The following KIT variants were observed in gnomAD, a reference collection of about 807,000 sequenced individuals.
KIT encodes mast/stem cell growth factor receptor Kit.
In KIT, 16 loss-of-function variants were observed where a neutral mutation model predicts 105.7. The ratio of observed to expected loss-of-function variants is 0.15; its 90% CI spans 0.10 to 0.23. The LOEUF (loss-of-function observed/expected upper bound fraction) is 0.23, where lower values mean the gene tolerates loss of function less well. Among genes scored for constraint, KIT ranks in the 10% least tolerant of loss-of-function variants. The pLI is 1.00. For synonymous variants in KIT, 438 were observed against 441.1 expected (o/e 0.99, Z 0.09); for missense variants, 858 against 1,213.8 (o/e 0.71, Z 4.36).
At chr4:54,662,825 G>A (rs1560370394) in intron 1 of KIT, among the ~76,000 whole-genome samples, 1 of 151,886 alleles carries the variant, frequency 6.6e-6, no homozygotes, top group Non-Finnish European at 1.5e-5. Flanking sequence ...TACCTGCCTC[G>A]GCCTCCCAAA....
At chr4:54,734,423 C>T (rs1722794702) in intron 17 of KIT, among the ~76,000 whole-genome samples, 1 of 152,150 alleles carries the variant, frequency 6.6e-6, no homozygotes, top group Non-Finnish European at 1.5e-5. Flanking sequence ...TATGACAGTG[C>T]CAGACATATT....
In KIT at chr4:54,707,115, A is replaced by T; in HGVS notation, c.943A>T (p.Ile315Phe). 1 of 1,540,186 alleles carries T rather than the reference A, an allele frequency of 6.5e-7. No homozygotes were observed. The highest frequency in any genetic ancestry group is 9.0e-7 in the Non-Finnish European group (1 of 1,113,108). Residue 315 changes from isoleucine to phenylalanine, a missense_variant, in exon 6 of 21, where the codon ATC becomes TTC. Physicochemically the swap from Ile to Phe is conservative, Grantham distance 21. This residue lies in a region of KIT where 401 missense variants were observed against 601.0 expected (regional missense o/e 0.67). Coordinates refer to ENST00000288135, the MANE Select transcript of KIT (RefSeq NM_000222.3). ...LEVVDKGFIN[I>F]FPMINTTVFV... ...CTAATTAGATAAAGGATTCATTAAT[A>T]TCTTCCCCATGATAAACACTACAGT...
chr4:54,663,957 G>C lies in KIT; in HGVS notation c.67+5876G>C, dbSNP rs138636096. ...CCCCATGCCTTGGTCCTACGTTACA[G>C]GCTGGGGGTGGAGGAGGGCCAGGGC... On this transcript the variant is annotated intron_variant, in intron 1 of 20. Transcript: ENST00000288135. Among the ~76,000 whole-genome samples the C allele has an allele frequency of 3.2e-3, 490 of 152,300 alleles. 3 individuals are homozygous for C. The highest frequency in any genetic ancestry group is 0.011 in the African/African-American group (475 of 41,562).
Position 54,714,279 on chromosome 4 carries a change from TG to T in KIT, c.1231+4741del, listed in dbSNP as rs547666287. ...AACTCTTGGAAATATTAGAAAAAAA[TG>T]ACATTGCCAAGATGCTATGGGTAGC... is the stretch of plus-strand genomic sequence containing the variant. On this transcript the variant is annotated intron_variant, in intron 7 of 20. Transcript: ENST00000288135. Among the ~76,000 whole-genome samples, 265 of 152,234 alleles carry T rather than the reference TG, an allele frequency of 1.7e-3. No individual in the cohort carries two copies. In the Middle Eastern group the frequency reaches 0.02, roughly 12 times the overall value.
intron 7 of KIT, among the ~76,000 whole-genome samples, chr4:54,717,446 C>T (rs1245425802): frequency 1.3e-5 from 2 of 152,066 alleles, no homozygotes; most frequent in East Asian, 1.9e-4. Context: ...TGGTTGCCCC[C>T]GTTTGTGTGG....
intron 14 of KIT, 79 bp downstream of exon 14, chr4:54,729,564 C>T (rs1722461219): frequency 9.8e-6 from 14 of 1,427,848 alleles, no homozygotes; most frequent in Non-Finnish European, 1.4e-5. Flanking sequence ...AAGGCTGATT[C>T]TTTAAAAAAT....
chr4:54,737,960 T>C (rs1723023008), intron 20 of KIT, among the ~76,000 whole-genome samples: 1 of 152,240 alleles, frequency 6.6e-6, no homozygotes, highest in Non-Finnish European at 1.5e-5. Flanking sequence ...ACACCACTGA[T>C]AATTTTTGGG....
At chr4:54,715,629 C>CTAG (rs1456613260) in intron 7 of KIT, among the ~76,000 whole-genome samples, 5 of 152,232 alleles carry the variant, frequency 3.3e-5, no homozygotes, top group Non-Finnish European at 7.4e-5. Flanking sequence ...CTCATTACCT[C>CTAG]TAGTACAGCA....
intron 1 of KIT, among the ~76,000 whole-genome samples, chr4:54,688,367 A>G (rs1719463666): frequency 1.3e-5 from 2 of 152,206 alleles, no homozygotes; most frequent in African/African-American, 2.4e-5. Flanking sequence ...TAGTTGAACT[A>G]CAATGCACAG....
Position 54,739,933 on chromosome 4 carries a change from C to T in KIT, c.*1376C>T, listed in dbSNP as rs1367443021. On this transcript the variant is annotated 3_prime_UTR_variant, in exon 21 of 21. Coordinates refer to ENST00000288135, the MANE Select transcript of KIT (RefSeq NM_000222.3). Reference sequence around the variant, plus strand: ...CATCTTACTGTACCTGTTCCTTAGACCTTCCATAATGCTACTGTCTCACTG... The same window carrying T: ...CATCTTACTGTACCTGTTCCTTAGATCTTCCATAATGCTACTGTCTCACTG... 2 of 233,406 alleles carry T rather than the reference C, an allele frequency of 8.6e-6. No individual in the cohort carries two copies. Among genetic ancestry groups the T allele is most frequent in the Non-Finnish European group, 1.7e-5 (2 of 117,952 alleles). The allele number at this position is 233,406 out of a possible 1,614,324, so 14.5% of individuals were successfully genotyped here.
At chr4:54,688,623 AGTT>A (rs2109635003) in intron 1 of KIT, among the ~76,000 whole-genome samples, 1 of 152,352 alleles carries the variant, frequency 6.6e-6, no homozygotes, top group African/African-American at 2.4e-5. Context: ...CCACTGCTGA[AGTT>A]GCCGGGGAGA....
chr4:54,724,408 CACA>C (rs758344181), intron 8 of KIT, among the ~76,000 whole-genome samples: 5 of 152,254 alleles, frequency 3.3e-5, no homozygotes, highest in Admixed American at 2.0e-4. Context: ...GCCTCTTTAT[CACA>C]ACAAGTTGGA....
chr4:54,717,218 T>C (rs1721562565), intron 7 of KIT, among the ~76,000 whole-genome samples: 1 of 152,232 alleles, frequency 6.6e-6, no homozygotes, highest in African/African-American at 2.4e-5. Context: ...CAACCTACTT[T>C]TAAAGTAGAA....
At chr4:54,686,796 C>T (rs948081658) in intron 1 of KIT, among the ~76,000 whole-genome samples, 3 of 152,190 alleles carry the variant, frequency 2.0e-5, no homozygotes, top group Admixed American at 1.3e-4. Context: ...CTGCCTGCCT[C>T]GGCCTCCCAA....
chr4:54,727,693 A>C, intron 11 of KIT, 130 bp from the exon 12 acceptor site: 1 of 1,286,590 alleles, frequency 7.8e-7, no homozygotes, highest in South Asian at 1.2e-5. Context: ...TGCCATAGAG[A>C]ACATCGTAGG....
chr4:54,673,923 C>T (rs1718289975), intron 1 of KIT, among the ~76,000 whole-genome samples: 1 of 152,160 alleles, frequency 6.6e-6, no homozygotes, highest in Non-Finnish European at 1.5e-5. Context: ...GCATGTGCCA[C>T]CACGCCCAGC....
intron 1 of KIT, among the ~76,000 whole-genome samples, chr4:54,684,456 C>G (rs1719170085): frequency 6.6e-6 from 1 of 152,116 alleles, no homozygotes; most frequent in South Asian, 2.1e-4. Flanking sequence ...AACTTAGGAG[C>G]CCTTCTAGTC....
intron 5 of KIT, 123 bp downstream of exon 5, chr4:54,704,015 G>A (rs1720627335): frequency 2.2e-6 from 2 of 895,732 alleles, no homozygotes; most frequent in Non-Finnish European, 3.7e-6. Context: ...ATCACTGAAT[G>A]AATGAAAATT....
intron 7 of KIT, among the ~76,000 whole-genome samples, chr4:54,715,786 T>G (rs1459305710): frequency 6.6e-6 from 1 of 152,192 alleles, no homozygotes; most frequent in Admixed American, 6.5e-5. Context: ...GCCAGCCATA[T>G]AGATGGCTTC....
Sources: allele counts gnomAD v4.1 joint callset (sites outside exome capture counted in the v4.1 genomes callset), GRCh38; gene constraint gnomAD v4.1.1; regional missense constraint gnomAD v4.1.1; transcripts MANE v1.5; gene names NCBI Gene and HGNC (gene_info 2026-07-23, HGNC 2026-07-21).